NEGR1: variants seen among roughly 807,000 people sequenced by gnomAD.
The protein encoded by NEGR1 is IgLON family member 4.
NEGR1 carries 10 observed loss-of-function variants against 40.9 expected under a neutral mutation model. The observed-to-expected ratio is 0.24, with a 90% CI of 0.15 to 0.42. The LOEUF is 0.42. Ranked by LOEUF, NEGR1 falls within the 10% of genes least tolerant of loss-of-function variation. The pLI, the probability that NEGR1 is intolerant of heterozygous loss-of-function variation, is 1.00. For synonymous variants in NEGR1, 185 were observed against 166.8 expected (o/e 1.11, Z -0.84); for missense variants, 352 against 438.9 (o/e 0.80, Z 1.77).
At chr1:72,108,021 TAA>T (rs1391506040) in intron 1 of NEGR1, among the ~76,000 whole-genome samples, 2 of 151,672 alleles carry the variant, frequency 1.3e-5, no homozygotes, top group Non-Finnish European at 3.0e-5. Flanking sequence ...CCAGGTTTTC[TAA>T]AGAGTATAAT....
At chr1:71,988,923 TAA>T (rs10604833) in intron 1 of NEGR1, among the ~76,000 whole-genome samples, 1,010 of 82,140 alleles carry the variant, frequency 0.012, 6 homozygotes, top group African/African-American at 0.023. Context: ...TATTGGATGT[TAA>T]AAAAAAAAAA....
intron 1 of NEGR1, among the ~76,000 whole-genome samples, chr1:72,150,747 T>A (rs77126035): frequency 3.3e-4 from 51 of 152,242 alleles, no homozygotes; most frequent in African/African-American, 1.0e-3. Context: ...AATATGCACA[T>A]TTATATTACA....
chr1:72,246,986 G>A (rs1305174340), intron 1 of NEGR1, among the ~76,000 whole-genome samples: 9 of 152,212 alleles, frequency 5.9e-5, no homozygotes, highest in Non-Finnish European at 1.5e-5. Flanking sequence ...GTAGCAGCCC[G>A]AGCTGTACCT....
chr1:72,199,418 A>C (rs1318628916), intron 1 of NEGR1, among the ~76,000 whole-genome samples: 11 of 152,158 alleles, frequency 7.2e-5, no homozygotes, highest in Non-Finnish European at 1.6e-4. Context: ...AGTAACCTTA[A>C]AAGAGCACAA....
intron 2 of NEGR1, among the ~76,000 whole-genome samples, chr1:71,786,370 T>C (rs1656908330): frequency 6.6e-6 from 1 of 152,148 alleles, no homozygotes; most frequent in South Asian, 2.1e-4. Flanking sequence ...TGGCTGGAAA[T>C]AAATAGTGTG....
At chr1:71,489,746 A>G (rs1441272194) in intron 6 of NEGR1, 1 of 151,492 alleles carries the variant, frequency 6.6e-6, no homozygotes, top group African/African-American at 2.4e-5. Flanking sequence ...AACTGGCCTT[A>G]TTTCCCTGGA....
chr1:71,725,361 AC>A (rs1654636117), intron 3 of NEGR1, among the ~76,000 whole-genome samples: 1 of 151,984 alleles, frequency 6.6e-6, no homozygotes, highest in Non-Finnish European at 1.5e-5. Context: ...TTGTTATAGA[AC>A]CCACACCTTG....
intron 4 of NEGR1, among the ~76,000 whole-genome samples, chr1:71,692,789 T>C (rs1653335991): frequency 6.6e-6 from 1 of 151,832 alleles, no homozygotes; most frequent in Non-Finnish European, 1.5e-5. Context: ...TGCAAAATAA[T>C]GCACAAATAT....
intron 6 of NEGR1, among the ~76,000 whole-genome samples, chr1:71,587,665 CA>C: frequency 3.0e-3 from 1 of 330 alleles, no homozygotes; most frequent in Non-Finnish European, 6.0e-3. Context: ...CACACACATG[CA>C]CACACACACA....
chr1:72,136,260 G>A (rs971168350), intron 1 of NEGR1, among the ~76,000 whole-genome samples: 5 of 152,076 alleles, frequency 3.3e-5, no homozygotes, highest in Non-Finnish European at 7.4e-5. Flanking sequence ...TGTCCAATAA[G>A]TGAAAAGATA....
At chr1:72,148,539 T>C (rs1650997077) in intron 1 of NEGR1, among the ~76,000 whole-genome samples, 1 of 152,162 alleles carries the variant, frequency 6.6e-6, no homozygotes, top group African/African-American at 2.4e-5. Flanking sequence ...TGGGTTTTTC[T>C]TTTCTACTGC....
intron 1 of NEGR1, among the ~76,000 whole-genome samples, chr1:72,085,175 A>G (rs540701650): frequency 3.7e-4 from 56 of 152,346 alleles, no homozygotes; most frequent in African/African-American, 1.3e-3. Context: ...TTTTTATTAG[A>G]CAGAAATGCA....
At chr1:72,175,965 G>A (rs1255899272) in intron 1 of NEGR1, among the ~76,000 whole-genome samples, 1 of 152,104 alleles carries the variant, frequency 6.6e-6, no homozygotes, top group Non-Finnish European at 1.5e-5. Context: ...TCAGGGAAGT[G>A]AAGACTTATA....
intron 3 of NEGR1, among the ~76,000 whole-genome samples, chr1:71,723,964 T>C (rs1654591818): frequency 6.6e-6 from 1 of 152,062 alleles, no homozygotes; most frequent in East Asian, 1.9e-4. Context: ...AAAAGATACC[T>C]GTATTTGGTG....
At chr1:72,033,907 C>T (rs1569854730) in intron 1 of NEGR1, among the ~76,000 whole-genome samples, 1 of 152,118 alleles carries the variant, frequency 6.6e-6, no homozygotes. Context: ...AAAACACCCC[C>T]TACGGTGTGC....
chr1:71,722,872 T>C (rs1052184236), intron 3 of NEGR1, among the ~76,000 whole-genome samples: 13 of 152,134 alleles, frequency 8.5e-5, no homozygotes, highest in Non-Finnish European at 1.5e-4. Context: ...CCTCTAAAAG[T>C]TTCCTTGTGT....
At chr1:71,850,854 T>A (rs1159190588) in intron 2 of NEGR1, among the ~76,000 whole-genome samples, 1 of 152,178 alleles carries the variant, frequency 6.6e-6, no homozygotes, top group Non-Finnish European at 1.5e-5. Context: ...CACTAAAACA[T>A]ACTTAAAAAG....
At chr1:71,547,464 C>G (rs891612166) in intron 6 of NEGR1, among the ~76,000 whole-genome samples, 1 of 151,674 alleles carries the variant, frequency 6.6e-6, no homozygotes, top group Non-Finnish European at 1.5e-5. Context: ...TTGGAGAGGA[C>G]GTCTTCTAAA....
At chr1:71,778,174 CAT>C (rs1394209511) in intron 2 of NEGR1, among the ~76,000 whole-genome samples, 1 of 150,518 alleles carries the variant, frequency 6.6e-6, no homozygotes, top group Non-Finnish European at 1.5e-5. Flanking sequence ...GATATATATA[CAT>C]ATATATATAT....
Sources: gnomAD v4.1 joint callset for allele counts (sites outside exome capture counted in the v4.1 genomes callset) on GRCh38, gnomAD v4.1.1 for gene constraint, MANE v1.5 for transcripts, NCBI Gene and HGNC (gene_info 2026-07-23, HGNC 2026-07-21) for gene names.